The following UGT8 variants were observed in gnomAD, a reference collection of about 807,000 sequenced individuals.
The protein encoded by UGT8 is 2-hydroxyacylsphingosine 1-beta-galactosyltransferase.
A neutral mutation model predicts 40.5 loss-of-function variants in UGT8; 12 were observed. The observed-to-expected ratio is 0.30, with a 90% CI of 0.19 to 0.48. The LOEUF (loss-of-function observed/expected upper bound fraction) is 0.48. Ranked by LOEUF, UGT8 falls within the 20% of genes least tolerant of loss-of-function variation. The pLI is 0.99. For missense variants in UGT8, 513 were observed against 648.7 expected (o/e 0.79, Z 2.27); for synonymous variants, 224 against 240.4 (o/e 0.93, Z 0.63).
chr4:114,610,211 G>A (rs181508620), intron 1 of UGT8, among the ~76,000 whole-genome samples: 85 of 152,210 alleles, frequency 5.6e-4, no homozygotes, highest in African/African-American at 1.7e-3. Context: ...CTCTGCCAGC[G>A]AATAACTGAA....
intron 2 of UGT8, among the ~76,000 whole-genome samples, chr4:114,662,150 C>G (rs1734582433): frequency 6.6e-6 from 1 of 152,144 alleles, no homozygotes; most frequent in Admixed American, 6.5e-5. Flanking sequence ...CGTGATAAAA[C>G]TATCATAAGT....
intron 1 of UGT8, among the ~76,000 whole-genome samples, chr4:114,615,427 C>G (rs1366307157): frequency 6.6e-6 from 1 of 152,172 alleles, no homozygotes; most frequent in African/African-American, 2.4e-5. Context: ...AGTTTTAGCA[C>G]TGAAAATCCC....
chr4:114,656,055 T>G (rs988508603), intron 2 of UGT8, among the ~76,000 whole-genome samples: 3 of 152,186 alleles, frequency 2.0e-5, no homozygotes, highest in African/African-American at 7.2e-5. Context: ...TGCTATATTC[T>G]GCATGTTGCA....
intron 1 of UGT8, among the ~76,000 whole-genome samples, chr4:114,601,314 T>C (rs1010824071): frequency 1.3e-5 from 2 of 152,226 alleles, no homozygotes; most frequent in Admixed American, 6.5e-5. Flanking sequence ...TTCATTACCA[T>C]TTAAATATTG....
intron 1 of UGT8, among the ~76,000 whole-genome samples, chr4:114,599,684 G>C (rs1287578610): frequency 6.6e-6 from 1 of 152,186 alleles, no homozygotes; most frequent in East Asian, 1.9e-4. Context: ...CGGGCCCCCG[G>C]GATTAGAGAA....
intron 1 of UGT8, among the ~76,000 whole-genome samples, chr4:114,615,731 G>GC (rs1731368917): frequency 3.3e-5 from 5 of 152,162 alleles, no homozygotes; most frequent in African/African-American, 1.2e-4. Flanking sequence ...GCATACATTA[G>GC]AAATTGCACA....
chr4:114,655,856 T>G (rs1463258907), intron 2 of UGT8, among the ~76,000 whole-genome samples: 1 of 152,176 alleles, frequency 6.6e-6, no homozygotes, highest in Non-Finnish European at 1.5e-5. Flanking sequence ...GAATTATCAG[T>G]GGCCTTTATT....
chr4:114,632,249 A>C (rs1732625393), intron 2 of UGT8, among the ~76,000 whole-genome samples: 1 of 152,232 alleles, frequency 6.6e-6, no homozygotes, highest in African/African-American at 2.4e-5. Flanking sequence ...GAGCTGTGAG[A>C]GATGAAAATG....
In UGT8 at chr4:114,652,858, G is replaced by C. The variant is rs143591319; in HGVS notation, c.823-11137G>C. Among the ~76,000 whole-genome samples the C allele has an allele frequency of 1.8e-4, 27 of 152,092 alleles. 1 individual carries two copies. The East Asian group carries it at 5.2e-3, about 29-fold the overall frequency. On this transcript the variant is annotated intron_variant, in intron 2 of 5. Transcript: ENST00000310836. Reference sequence around the variant, plus strand: ...CCAGTTAGGATTTTTATCTTATTCTGATCTCATTGTTTATGCAGGAAAAGA... The same window carrying C: ...CCAGTTAGGATTTTTATCTTATTCTCATCTCATTGTTTATGCAGGAAAAGA...
intron 1 of UGT8, among the ~76,000 whole-genome samples, chr4:114,621,815 T>A (rs1363919391): frequency 4.6e-5 from 7 of 152,190 alleles, no homozygotes. Flanking sequence ...ATATTTCAGT[T>A]TATGTCAACT....
At chr4:114,618,064 A>G (rs1005799870) in intron 1 of UGT8, among the ~76,000 whole-genome samples, 1 of 151,686 alleles carries the variant, frequency 6.6e-6, no homozygotes, top group Non-Finnish European at 1.5e-5. Context: ...TCATATACAT[A>G]ATTTTATTTC....
chr4:114,663,439 A>G (rs992568146), intron 2 of UGT8, among the ~76,000 whole-genome samples: 1 of 152,048 alleles, frequency 6.6e-6, no homozygotes, highest in African/African-American at 2.4e-5. Flanking sequence ...GGGAAACTGA[A>G]GCTGGGTGTC....
At chr4:114,656,613 C>T in intron 2 of UGT8, 1 of 300,110 alleles carries the variant, frequency 3.3e-6, no homozygotes. Context: ...TGTGAATAAA[C>T]TCACATGCTA....
intron 5 of UGT8, among the ~76,000 whole-genome samples, chr4:114,670,288 G>A (rs541075494): frequency 3.3e-5 from 5 of 151,632 alleles, no homozygotes; most frequent in Admixed American, 6.6e-5. Flanking sequence ...AAAATTAGCC[G>A]GGCATGGTGA....
intron 2 of UGT8, among the ~76,000 whole-genome samples, chr4:114,660,286 A>G (rs1734434124): frequency 2.0e-5 from 3 of 152,194 alleles, no homozygotes; most frequent in Non-Finnish European, 4.4e-5. Context: ...TTTAAAATGA[A>G]TTAAATATTA....
Position 114,676,423 on chromosome 4 carries a change from T to C in UGT8, c.*135T>C. 1 of 727,752 alleles carries C rather than the reference T, an allele frequency of 1.4e-6. No individual in the cohort carries two copies. Among genetic ancestry groups the C allele is most frequent in the Non-Finnish European group, 2.1e-6 (1 of 466,352 alleles). The allele number at this position is 727,752 out of a possible 1,614,324, so 45.1% of individuals were successfully genotyped here. A position where few individuals can be genotyped will look rare whatever the true frequency, so the allele number is the denominator to read the frequency against. ...GCCCTTATGAGATCTACTAATGAAA[T>C]TCTGTGGAATTAAGATGGCTGTAAA... is the stretch of plus-strand genomic sequence containing the variant. On this transcript the variant is annotated 3_prime_UTR_variant, in exon 6 of 6. Coordinates refer to ENST00000310836, the MANE Select transcript of UGT8 (RefSeq NM_001128174.3).
intron 1 of UGT8, among the ~76,000 whole-genome samples, chr4:114,616,940 G>A (rs901570061): frequency 1.3e-5 from 2 of 152,064 alleles, no homozygotes; most frequent in Non-Finnish European, 2.9e-5. Flanking sequence ...CTTGTTTTCT[G>A]GAGCTCTAAG....
intron 1 of UGT8, among the ~76,000 whole-genome samples, chr4:114,616,442 G>T (rs200695195): frequency 6.6e-6 from 1 of 152,168 alleles, no homozygotes; most frequent in African/African-American, 2.4e-5. Flanking sequence ...TGCTAAGACC[G>T]TTGGAAAAGT....
chr4:114,630,671 T>G (rs1483680140), intron 2 of UGT8, among the ~76,000 whole-genome samples: 1 of 152,084 alleles, frequency 6.6e-6, no homozygotes, highest in East Asian at 1.9e-4. Context: ...ATTATTTTTC[T>G]TAGTGAAGTA....
Sources: gnomAD v4.1 joint callset for allele counts (sites outside exome capture counted in the v4.1 genomes callset) on GRCh38, gnomAD v4.1.1 for gene constraint, MANE v1.5 for transcripts, NCBI Gene and HGNC (gene_info 2026-07-23, HGNC 2026-07-21) for gene names.